FAM114A1: variants seen among roughly 807,000 people sequenced by gnomAD.
The protein encoded by FAM114A1 is family with sequence similarity 114 member A1.
In FAM114A1, 62 loss-of-function variants were observed where a neutral mutation model predicts 64.3. The observed-to-expected ratio is 0.96, with a 90% CI of 0.79 to 1.19. The LOEUF is 1.19. FAM114A1 is among the 50% of genes most tolerant of loss of function. The pLI, the probability that FAM114A1 is intolerant of heterozygous loss-of-function variation, is 0.00. For synonymous variants in FAM114A1, 254 were observed against 251.1 expected (o/e 1.01, Z -0.11); for missense variants, 645 against 676.3 (o/e 0.95, Z 0.51).
At chr4:38,915,139 T>C in intron 8 of FAM114A1, 66 bp downstream of exon 8, 1 of 1,565,582 alleles carries the variant, frequency 6.4e-7, no homozygotes, top group South Asian at 1.2e-5. Flanking sequence ...TGAAAGAAAC[T>C]GGAAAATCTG....
chr4:38,880,920 C>T (rs965992130), intron 3 of FAM114A1, among the ~76,000 whole-genome samples: 4 of 152,198 alleles, frequency 2.6e-5, no homozygotes, highest in African/African-American at 2.4e-5. Context: ...CACGGTGGCT[C>T]ATGCCTGTAA....
intron 4 of FAM114A1, among the ~76,000 whole-genome samples, chr4:38,896,905 A>G (rs1255241363): frequency 6.6e-6 from 1 of 152,232 alleles, no homozygotes; most frequent in Non-Finnish European, 1.5e-5. Context: ...AACCTCATGT[A>G]TACCCCCAGG....
At chr4:38,939,212 A>G (rs6812702) in intron 13 of FAM114A1, among the ~76,000 whole-genome samples, 13,842 of 152,238 alleles carry the variant, frequency 0.091, 1,352 homozygotes, top group African/African-American at 0.24. Context: ...AAGTGTTTGC[A>G]TGAACAAAAT....
chr4:38,919,939 G>A (rs1031549936), intron 8 of FAM114A1, among the ~76,000 whole-genome samples: 4 of 152,112 alleles, frequency 2.6e-5, no homozygotes, highest in Non-Finnish European at 4.4e-5. Flanking sequence ...GGCTGGGCGC[G>A]ATGGCACACC....
At chr4:38,869,553 G>A (rs1713810808) in intron 2 of FAM114A1, among the ~76,000 whole-genome samples, 1 of 152,170 alleles carries the variant, frequency 6.6e-6, no homozygotes, top group African/African-American at 2.4e-5. Context: ...GAACAGGAGA[G>A]CAAATAGGTC....
chr4:38,920,844 G>A (rs570342067), intron 8 of FAM114A1, among the ~76,000 whole-genome samples: 7 of 152,344 alleles, frequency 4.6e-5, no homozygotes, highest in East Asian at 1.9e-4. Context: ...ACGGAGTGGC[G>A]TGCAGCCATG....
At chr4:38,943,270 A>C (rs1379207725) in intron 14 of FAM114A1, among the ~76,000 whole-genome samples, 186 bp from the exon 15 acceptor site, 1 of 152,040 alleles carries the variant, frequency 6.6e-6, no homozygotes, top group Non-Finnish European at 1.5e-5. Flanking sequence ...TAGTATAGAT[A>C]ATTGAGAGCT....
chr4:38,891,647 C>A, intron 3 of FAM114A1, 96 bp from the exon 4 acceptor site: 2 of 1,085,740 alleles, frequency 1.8e-6, no homozygotes, highest in South Asian at 1.7e-5. Context: ...GTTGGTGATT[C>A]TTTTCCAAAC....
intron 9 of FAM114A1, among the ~76,000 whole-genome samples, chr4:38,923,522 A>G (rs1486246063): frequency 6.6e-6 from 1 of 152,128 alleles, no homozygotes; most frequent in Non-Finnish European, 1.5e-5. Context: ...TGCCTGGCCT[A>G]TGCTGCCACT....
At chr4:38,870,708 G>A (rs983986299) in intron 2 of FAM114A1, among the ~76,000 whole-genome samples, 2 of 152,114 alleles carry the variant, frequency 1.3e-5, no homozygotes, top group Non-Finnish European at 2.9e-5. Flanking sequence ...CCATAAATCA[G>A]GAAAGGTTTC....
intron 9 of FAM114A1, among the ~76,000 whole-genome samples, chr4:38,924,760 A>G (rs530487229): frequency 1.3e-5 from 2 of 152,296 alleles, no homozygotes; most frequent in East Asian, 3.9e-4. Context: ...CTAGCTGTCA[A>G]AGGTCATGTA....
intron 8 of FAM114A1, among the ~76,000 whole-genome samples, chr4:38,920,382 A>G (rs931119971): frequency 6.6e-6 from 1 of 152,202 alleles, no homozygotes; most frequent in South Asian, 2.1e-4. Context: ...CCAAGCATAT[A>G]GTCAGCATTC....
intron 10 of FAM114A1, among the ~76,000 whole-genome samples, chr4:38,930,857 T>C (rs1275430592): frequency 6.6e-6 from 1 of 152,194 alleles, no homozygotes; most frequent in Non-Finnish European, 1.5e-5. Context: ...ACTGCACTCA[T>C]GTGAAATTAA....
chr4:38,940,178 A>G (rs1000662194), intron 13 of FAM114A1, among the ~76,000 whole-genome samples: 2 of 152,132 alleles, frequency 1.3e-5, no homozygotes, highest in Non-Finnish European at 2.9e-5. Context: ...GGCTTGAGCC[A>G]CCACACCTGG....
At chr4:38,877,461 G>A (rs1041441399) in intron 2 of FAM114A1, among the ~76,000 whole-genome samples, 4 of 152,116 alleles carry the variant, frequency 2.6e-5, no homozygotes, top group Admixed American at 2.6e-4. Context: ...GCTCCTATGA[G>A]AATCTAATGC....
Position 38,920,670 on chromosome 4 carries a change from C to G in FAM114A1, c.946-2100C>G, listed in dbSNP as rs1225872865. On this transcript the variant is annotated intron_variant, in intron 8 of 14. Coordinates refer to ENST00000358869, the MANE Select transcript of FAM114A1 (RefSeq NM_138389.4). Reference sequence around the variant, plus strand: ...TTCCACAGGTCTGCATACCTTTTCACTAAGCATGGTATTCAAACACATTTA... The same window carrying G: ...TTCCACAGGTCTGCATACCTTTTCAGTAAGCATGGTATTCAAACACATTTA... Among the ~76,000 whole-genome samples the G allele has an allele frequency of 3.3e-5, 5 of 152,224 alleles. No homozygotes were observed. The East Asian group carries it at 7.7e-4, about 23-fold the overall frequency.
At chr4:38,936,841 C>T (rs1054244485) in intron 13 of FAM114A1, among the ~76,000 whole-genome samples, 2 of 152,178 alleles carry the variant, frequency 1.3e-5, no homozygotes, top group Admixed American at 6.5e-5. Flanking sequence ...TGAGCCACCG[C>T]GCCTGGCAGA....
intron 2 of FAM114A1, among the ~76,000 whole-genome samples, chr4:38,874,265 G>A (rs1714388062): frequency 6.6e-6 from 1 of 152,184 alleles, no homozygotes; most frequent in African/African-American, 2.4e-5. Context: ...TAAAGAGCAT[G>A]GATACAGTAA....
intron 3 of FAM114A1, among the ~76,000 whole-genome samples, chr4:38,887,558 T>C (rs1402877692): frequency 1.3e-5 from 2 of 152,224 alleles, no homozygotes; most frequent in African/African-American, 2.4e-5. Context: ...TGATTTCAGC[T>C]TAAAATCAGA....
Sources: gnomAD v4.1 joint callset for allele counts (sites outside exome capture counted in the v4.1 genomes callset) on GRCh38, gnomAD v4.1.1 for gene constraint, MANE v1.5 for transcripts, NCBI Gene and HGNC (gene_info 2026-07-23, HGNC 2026-07-21) for gene names.